LAMA4: variants seen among roughly 807,000 people sequenced by gnomAD.
The protein encoded by LAMA4 is laminin subunit alpha-4.
Under a neutral mutation model 207.1 loss-of-function variants are expected in LAMA4, and 127 were observed. The ratio of observed to expected loss-of-function variants is 0.61; its 90% CI spans 0.53 to 0.71. The LOEUF (loss-of-function observed/expected upper bound fraction) is 0.71, where lower values mean the gene tolerates loss of function less well. LAMA4 is among the 30% of genes least tolerant of loss of function. The probability of loss-of-function intolerance (pLI) is 0.00; values close to 1 mark genes in which losing one functional copy is unlikely to be tolerated. For missense variants in LAMA4, 2,093 were observed against 2,246.5 expected, an observed-to-expected ratio of 0.93 and a Z score of 1.38; for synonymous variants, 761 against 816.0, an observed-to-expected ratio of 0.93 and a Z score of 1.15.
At chr6:112,240,347 G>A (rs1786319688) in intron 2 of LAMA4, among the ~76,000 whole-genome samples, 1 of 151,964 alleles carries the variant, frequency 6.6e-6, no homozygotes, top group African/African-American at 2.4e-5. Context: ...TGGGAAATAA[G>A]CACACCATAG....
In LAMA4 at chr6:112,129,966, G is replaced by T; in HGVS notation, c.4043C>A (p.Ala1348Glu). ...ACCGAAGTAAAACTTCTTTTCACTT[G>T]CTTGTGTCTGTTCTATTTTCCCTTT... ...PTKGKIEQTQ[A>E]SEKKFYFGGS... is the part of the protein sequence containing the mutation. Residue 1348 changes from alanine (A) to glutamate (E), a missense_variant, in exon 30 of 39, where the codon GCA (alanine) becomes GAA (glutamate). This residue lies in a region of LAMA4 where 1,704 missense variants were observed against 1,788.4 expected (regional missense o/e 0.95). Transcript: ENST00000230538. The T allele has an allele frequency of 6.2e-7, 1 of 1,613,002 alleles. No individual in the cohort carries two copies. The highest frequency in any genetic ancestry group is 8.5e-7 in the Non-Finnish European group (1 of 1,179,270).
At chr6:112,187,273 T>C in intron 8 of LAMA4, 177 bp downstream of exon 8, 1 of 776,070 alleles carries the variant, frequency 1.3e-6, no homozygotes, top group Non-Finnish European at 2.2e-6. Context: ...ATAGTTACAA[T>C]CAACTTTTCA....
At chr6:112,153,165 A>G (rs3777941) in intron 16 of LAMA4, among the ~76,000 whole-genome samples, 46,498 of 151,982 alleles carry the variant, frequency 0.31, 7,555 homozygotes, top group African/African-American at 0.42. Flanking sequence ...TTGATATATA[A>G]TGAAAAGGAA....
In LAMA4 at chr6:112,253,979, C is replaced by T. The variant is rs782465656; in HGVS notation, c.172G>A (p.Gly58Arg). The stretch of plus-strand genomic sequence containing the variant: ...ACCTCGGCCGCAGGCGGCAGGCGTC[C>T]CAGAGCCACGCGGGGTTCGCTCGTC... ...PETSEPRVAL[G>R]RLPPAAEKCN... The change falls in exon 2 of 39, where the codon GGA (glycine) becomes AGA (arginine). Residue 58 changes from glycine (G) to arginine (R), a missense_variant. Gly to Arg is a moderately radical substitution (Grantham distance 125, BLOSUM62 -2). This residue lies in a region of LAMA4 where 1,704 missense variants were observed against 1,788.4 expected (regional missense o/e 0.95). Transcript: ENST00000230538. 2 of 1,587,978 alleles carry T rather than the reference C, an allele frequency of 1.3e-6. No individual in the cohort carries two copies. The highest frequency in any genetic ancestry group is 1.1e-5 in the South Asian group (1 of 88,516).
intron 6 of LAMA4, among the ~76,000 whole-genome samples, chr6:112,191,240 C>T (rs1254406073): frequency 6.6e-6 from 1 of 151,952 alleles, no homozygotes; most frequent in East Asian, 1.9e-4. Flanking sequence ...CCTCAGCCTC[C>T]CAAAGTGCTG....
chr6:112,214,250 TTTTG>T (rs1177453524), intron 3 of LAMA4, among the ~76,000 whole-genome samples: 4 of 152,224 alleles, frequency 2.6e-5, no homozygotes, highest in African/African-American at 9.6e-5. Context: ...TCTTTTTTTC[TTTTG>T]TTTGTTTATT....
intron 2 of LAMA4, chr6:112,219,418 C>G (rs973155868): frequency 1.4e-4 from 21 of 152,104 alleles, no homozygotes; most frequent in Admixed American, 3.3e-4. Context: ...AGAGAGGAAG[C>G]CTTCCAATCA....
chr6:112,140,680 C>G, intron 22 of LAMA4, 80 bp downstream of exon 22: 3 of 1,354,736 alleles, frequency 2.2e-6, no homozygotes, highest in Non-Finnish European at 3.1e-6. Flanking sequence ...CAGCAACCCC[C>G]AAGTCATTAT....
At chr6:112,239,576 T>C (rs1786226067) in intron 2 of LAMA4, among the ~76,000 whole-genome samples, 1 of 152,204 alleles carries the variant, frequency 6.6e-6, no homozygotes, top group African/African-American at 2.4e-5. Flanking sequence ...AAGTGACTGC[T>C]GCTACAGTCC....
chr6:112,179,909 C>G (rs1183159793), intron 9 of LAMA4: 2 of 532,882 alleles, frequency 3.8e-6, no homozygotes, highest in Non-Finnish European at 7.7e-6. Flanking sequence ...TCATTATACT[C>G]CTTCCTGCAA....
chr6:112,115,444 A>G (rs1267888867), intron 36 of LAMA4, among the ~76,000 whole-genome samples: 4 of 152,084 alleles, frequency 2.6e-5, no homozygotes, highest in Non-Finnish European at 5.9e-5. Context: ...ATTTCTATCA[A>G]TTGAGAATAA....
At chr6:112,183,973 A>G (rs1554345921) in intron 9 of LAMA4, among the ~76,000 whole-genome samples, 7 of 150,506 alleles carry the variant, frequency 4.7e-5, no homozygotes, top group Non-Finnish European at 8.8e-5. Flanking sequence ...AAAAAAAGAA[A>G]AAAGAATTAA....
chr6:112,113,144 C>A lies in LAMA4; in HGVS notation c.5326+932G>T, dbSNP rs1777805579. Among the ~76,000 whole-genome samples, 3 of 152,116 alleles carry A rather than the reference C, an allele frequency of 2.0e-5. No homozygotes were observed. In the South Asian group the frequency reaches 6.2e-4, roughly 32 times the overall value. ...TTATAGTTAAGGATAATTTATTGTG[C>A]ATTTCAAAATAGCTAGAAGAGAAGA... is the stretch of plus-strand genomic sequence containing the variant. On this transcript the variant is annotated intron_variant, in intron 38 of 38. Transcript: ENST00000230538.
chr6:112,219,170 G>A (rs536214664), intron 2 of LAMA4: 8 of 152,196 alleles, frequency 5.3e-5, no homozygotes, highest in African/African-American at 1.9e-4. Context: ...GGCAAAATTG[G>A]CCTTTTTGTA....
chr6:112,230,114 C>G (rs1785459113), intron 2 of LAMA4, among the ~76,000 whole-genome samples: 1 of 152,000 alleles, frequency 6.6e-6, no homozygotes, highest in African/African-American at 2.4e-5. Context: ...TATGATAAAT[C>G]TACTTTTTGC....
chr6:112,120,089 T>C (rs1051962127), intron 33 of LAMA4, among the ~76,000 whole-genome samples, 194 bp downstream of exon 33: 1 of 152,218 alleles, frequency 6.6e-6, no homozygotes, highest in African/African-American at 2.4e-5. Context: ...ATAATTACGC[T>C]CAGCCTGTGT....
At chr6:112,129,115 T>TTTCA (rs1195055046) in intron 30 of LAMA4, 40 bp from the exon 31 acceptor site, 2 of 1,528,472 alleles carry the variant, frequency 1.3e-6, no homozygotes, top group Non-Finnish European at 1.8e-6. Flanking sequence ...ATTAAAAATA[T>TTTCA]TGTTCAGAAT....
chr6:112,142,381 A>G (rs139059995), intron 19 of LAMA4, 89 bp from the exon 20 acceptor site: 2 of 1,187,604 alleles, frequency 1.7e-6, no homozygotes, highest in Admixed American at 3.4e-5. Context: ...ACAGGGGCCT[A>G]TAAACTCTCT....
intron 13 of LAMA4, among the ~76,000 whole-genome samples, chr6:112,161,762 T>C (rs1393005286): frequency 6.6e-6 from 1 of 152,082 alleles, no homozygotes; most frequent in Non-Finnish European, 1.5e-5. Flanking sequence ...GTCAGGGTCA[T>C]AAGGACACCA....
Sources: allele counts gnomAD v4.1 joint callset (sites outside exome capture counted in the v4.1 genomes callset), GRCh38; gene constraint gnomAD v4.1.1; regional missense constraint gnomAD v4.1.1; transcripts MANE v1.5; gene names NCBI Gene and HGNC (gene_info 2026-07-23, HGNC 2026-07-21).